The following MASP1 variants were observed in gnomAD, a reference collection of about 807,000 sequenced individuals.
MASP1 encodes the protein MBL associated serine protease 1.
MASP1 carries 59 observed loss-of-function variants against 77.1 expected under a neutral mutation model. The ratio of observed to expected loss-of-function variants is 0.77; its 90% CI spans 0.62 to 0.95. MASP1 has a LOEUF of 0.95. Ranked by LOEUF, MASP1 falls within the 40% of genes least tolerant of loss-of-function variation. The probability of loss-of-function intolerance (pLI) is 0.00; values close to 1 mark genes in which losing one functional copy is unlikely to be tolerated. For missense variants in MASP1, 885 were observed against 912.9 expected (o/e 0.97, Z 0.39); for synonymous variants, 362 against 354.5 (o/e 1.02, Z -0.24).
intron 8 of MASP1, chr3:187,246,839 TGA>T (rs1714121576): frequency 9.9e-7 from 1 of 1,006,502 alleles, no homozygotes; most frequent in African/African-American, 1.7e-5. Flanking sequence ...CCACACTCTG[TGA>T]GTTATTATTT....
At chr3:187,253,470 A>G (rs929665956) in intron 5 of MASP1, among the ~76,000 whole-genome samples, 155 bp from the exon 6 acceptor site, 9 of 152,204 alleles carry the variant, frequency 5.9e-5, no homozygotes, top group Non-Finnish European at 1.3e-4. Context: ...GAGCCTTACC[A>G]TTCACCAAAT....
intron 1 of MASP1, 106 bp downstream of exon 1, chr3:187,291,522 A>G (rs1235850412): frequency 4.8e-6 from 7 of 1,445,190 alleles, no homozygotes. Flanking sequence ...TCACTACCAC[A>G]TGCAGGACAC....
At chr3:187,254,500 G>A (rs1714901966) in intron 5 of MASP1, among the ~76,000 whole-genome samples, 1 of 152,158 alleles carries the variant, frequency 6.6e-6, no homozygotes, top group Non-Finnish European at 1.5e-5. Context: ...CTGGGCAGTG[G>A]GAGTGCTGTG....
intron 13 of MASP1, chr3:187,225,206 G>T: frequency 3.5e-6 from 4 of 1,157,900 alleles, no homozygotes; most frequent in Non-Finnish European, 5.1e-6. Flanking sequence ...GGAAGCAGTT[G>T]GTGAGTCAAG....
Position 187,236,536 on chromosome 3 carries a change from G to C in MASP1, c.1335C>G (p.Ser445Arg), listed in dbSNP as rs3774268. Residue 445 changes from serine to arginine, a missense_variant, in exon 11 of 11, where the codon AGC (serine) becomes AGG (arginine). Transcript: ENST00000296280. Reference protein sequence around the residue: ...ECGQPSRSLPSLVKRIIGGRN... With the variant: ...ECGQPSRSLPRLVKRIIGGRN... Reference sequence around the variant, plus strand: ...GGCCCCCAATGATCCTCTTGACCAGGCTTGGCAGGGAGCGGGAGGGCTGAC... The same window carrying C: ...GGCCCCCAATGATCCTCTTGACCAGCCTTGGCAGGGAGCGGGAGGGCTGAC... 6.2e-7 allele frequency: 1 copy of C among 1,613,896 alleles called. No homozygotes were observed. Among genetic ancestry groups the C allele is most frequent in the Non-Finnish European group, 8.5e-7 (1 of 1,179,962 alleles).
intron 2 of MASP1, among the ~76,000 whole-genome samples, chr3:187,270,607 G>A (rs1427151722): frequency 1.3e-5 from 2 of 152,078 alleles, no homozygotes; most frequent in African/African-American, 4.8e-5. Flanking sequence ...CCATGCCGTG[G>A]TCCCTATCCT....
chr3:187,256,733 G>T lies in MASP1; in HGVS notation c.675C>A (p.Asn225Lys). 1 of 1,613,938 alleles carries T rather than the reference G, an allele frequency of 6.2e-7. No individual in the cohort carries two copies. Among genetic ancestry groups the T allele is most frequent in the African/African-American group, 1.3e-5 (1 of 74,958 alleles). ...TIELEEGFMV[N>K]LQFEDIFDIE... Reference sequence around the variant, plus strand: ...TGTCAAATATGTCCTCAAACTGCAGGTTGACCATGAAACCCTCCTCCAGCT... The same window carrying T: ...TGTCAAATATGTCCTCAAACTGCAGTTTGACCATGAAACCCTCCTCCAGCT... The change falls in exon 5 of 11, where the codon AAC becomes AAA. Residue 225 changes from asparagine to lysine, a missense_variant. Asn to Lys is a moderately conservative substitution (Grantham distance 94). Coordinates refer to ENST00000296280, the MANE Select transcript of MASP1 (RefSeq NM_139125.4).
intron 8 of MASP1, chr3:187,247,491 A>G (rs1714196419): frequency 2.4e-6 from 3 of 1,260,396 alleles, no homozygotes; most frequent in East Asian, 2.3e-5. Context: ...GAAACAGTTT[A>G]TGCAGGAAAT....
At chr3:187,256,551 G>T in intron 5 of MASP1, 113 bp downstream of exon 5, 2 of 944,320 alleles carry the variant, frequency 2.1e-6, no homozygotes, top group Non-Finnish European at 3.4e-6. Flanking sequence ...TGAGGAACTA[G>T]CTGCTAGGCT....
intron 7 of MASP1, 95 bp downstream of exon 7, chr3:187,251,539 T>C (rs1376414101): frequency 2.3e-5 from 22 of 969,106 alleles, no homozygotes; most frequent in Non-Finnish European, 3.5e-5. Flanking sequence ...GCTGGAACTA[T>C]GACAAGTTCT....
exon 15 of MASP1, chr3:187,221,126 G>A (rs769762005): frequency 6.2e-7 from 1 of 1,613,446 alleles, no homozygotes; most frequent in South Asian, 1.1e-5. Context: ...CAACAATCGG[G>A]ATTTCAATCT....
chr3:187,284,421 C>T (rs1717682620), intron 2 of MASP1, among the ~76,000 whole-genome samples: 1 of 152,182 alleles, frequency 6.6e-6, no homozygotes, highest in African/African-American at 2.4e-5. Context: ...TCCCACAATG[C>T]TCAAGACAGC....
rs1438726353 is a variant in MASP1, at chr3:187,234,378, T to TAGC, written c.*1303_*1305dup. ...GCCCTGTGAGGGCCAGAGAGGCTGCTAGCAGTCAGGGAAGCTCTGAGTGCT... is the reference window on the plus strand; with the variant it reads ...GCCCTGTGAGGGCCAGAGAGGCTGCTAGCAGCAGTCAGGGAAGCTCTGAGTGCT... On this transcript the variant is annotated 3_prime_UTR_variant, in exon 11 of 11. Transcript: ENST00000296280. 7.8e-7 allele frequency: 1 copy of TAGC among 1,287,142 alleles called. No individual in the cohort carries two copies. The highest frequency in any genetic ancestry group is 1.0e-6 in the Non-Finnish European group (1 of 988,710). 79.7% of individuals were successfully genotyped at this position (1,287,142 alleles called of 1,614,324 possible).
At position 187,253,277 on chromosome 3, in the gene MASP1, TC is replaced by T. The variant is rs1467231836; in HGVS notation, c.782del (p.Gly261GlufsTer16). 3 of 1,614,130 alleles carry T rather than the reference TC, an allele frequency of 1.9e-6. No individual in the cohort carries two copies. In the South Asian group the frequency reaches 3.3e-5, roughly 18 times the overall value. On this transcript the variant is annotated frameshift_variant, in exon 6 of 11. Transcript: ENST00000296280. LOFTEE classifies it high-confidence loss of function. ...TGCTGATGGGTTCTGGGGCTTTCTC[TC>T]CACAGAAAGGCCCCAAAACTTTTGG... ...VGPKVLGPFC[G>X]EKAPEPISTQ... is the part of the protein sequence containing the mutation.
intron 8 of MASP1, among the ~76,000 whole-genome samples, chr3:187,249,735 A>G (rs1259334024): frequency 6.6e-6 from 1 of 152,100 alleles, no homozygotes; most frequent in Non-Finnish European, 1.5e-5. Flanking sequence ...CAAGGCAAGA[A>G]CTCTGGGTCC....
chr3:187,223,121 C>T (rs1317013142), intron 14 of MASP1: 2 of 1,613,326 alleles, frequency 1.2e-6, no homozygotes, highest in East Asian at 2.2e-5. Flanking sequence ...ATAAAGTGAA[C>T]TTCACCTCCA....
intron 2 of MASP1, among the ~76,000 whole-genome samples, chr3:187,265,620 ACCTTTAAGAGCTATTTCTATCTG>A (rs2108570849): frequency 6.6e-6 from 1 of 152,240 alleles, no homozygotes; most frequent in East Asian, 1.9e-4. Context: ...GCTGGGCGGG[ACCTTTAAGAGCTATTTCTATCTG>A]CCTCCTTCTA....
At chr3:187,223,710 T>C (rs141350609) in intron 13 of MASP1, among the ~76,000 whole-genome samples, 1 of 152,334 alleles carries the variant, frequency 6.6e-6, no homozygotes, top group Non-Finnish European at 1.5e-5. Context: ...GTTGACATTC[T>C]AGAAGTCTAT....
intron 11 of MASP1, among the ~76,000 whole-genome samples, chr3:187,228,879 GC>G (rs1712597433): frequency 6.6e-6 from 1 of 152,202 alleles, no homozygotes; most frequent in African/African-American, 2.4e-5. Context: ...TTTGGCTGCA[GC>G]TCTAGCCCAG....
Sources: allele counts gnomAD v4.1 joint callset (sites outside exome capture counted in the v4.1 genomes callset), GRCh38; gene constraint gnomAD v4.1.1; transcripts MANE v1.5; gene names NCBI Gene and HGNC (gene_info 2026-07-23, HGNC 2026-07-21).